ADGRL3: variants seen among roughly 807,000 people sequenced by gnomAD.
The protein encoded by ADGRL3 is adhesion G protein-coupled receptor L3.
A neutral mutation model predicts 153.5 loss-of-function variants in ADGRL3; 62 were observed. The ratio of observed to expected loss-of-function variants is 0.40; its 90% CI spans 0.33 to 0.50. ADGRL3 has a LOEUF of 0.50. Among genes scored for constraint, ADGRL3 ranks in the 20% least tolerant of loss-of-function variants. The probability of loss-of-function intolerance (pLI) is 0.47; values close to 1 mark genes in which losing one functional copy is unlikely to be tolerated. For missense variants in ADGRL3, 1,641 were observed against 1,859.4 expected, an observed-to-expected ratio of 0.88 and a Z score of 2.16; for synonymous variants, 710 against 672.5, an observed-to-expected ratio of 1.06 and a Z score of -0.86.
chr4:62,003,246 T>C (rs1035382195), intron 21 of ADGRL3, among the ~76,000 whole-genome samples: 1 of 152,172 alleles, frequency 6.6e-6, no homozygotes, highest in African/African-American at 2.4e-5. Context: ...GGTCATGTTT[T>C]CTGATTTCTA....
chr4:61,742,167 T>C (rs1259270704), intron 8 of ADGRL3, among the ~76,000 whole-genome samples: 1 of 152,218 alleles, frequency 6.6e-6, no homozygotes, highest in African/African-American at 2.4e-5. Context: ...TTAGCACAGA[T>C]AAGTGAGAGT....
intron 25 of ADGRL3, among the ~76,000 whole-genome samples, chr4:62,058,998 A>G (rs1047838953): frequency 2.6e-5 from 4 of 152,192 alleles, no homozygotes; most frequent in Non-Finnish European, 5.9e-5. Context: ...CTTCTGTGCA[A>G]GATTTTAGTT....
chr4:61,780,671 A>G (rs2097203765), intron 8 of ADGRL3, among the ~76,000 whole-genome samples: 1 of 152,190 alleles, frequency 6.6e-6, no homozygotes, highest in Non-Finnish European at 1.5e-5. Flanking sequence ...TGATTTCCCT[A>G]AACATAGACA....
chr4:61,760,256 G>C (rs929575832), intron 8 of ADGRL3, among the ~76,000 whole-genome samples: 4 of 152,188 alleles, frequency 2.6e-5, no homozygotes, highest in African/African-American at 9.7e-5. Flanking sequence ...GCCCCCAGAG[G>C]TGGAGTCTAC....
chr4:61,320,697 A>T (rs1264791190), intron 1 of ADGRL3, among the ~76,000 whole-genome samples: 1 of 152,212 alleles, frequency 6.6e-6, no homozygotes, highest in East Asian at 1.9e-4. Flanking sequence ...TTACAGCAAC[A>T]TCTACAGTAG....
At chr4:61,356,710 C>G (rs1456882) in intron 1 of ADGRL3, among the ~76,000 whole-genome samples, 7,022 of 152,006 alleles carry the variant, frequency 0.046, 381 homozygotes, top group African/African-American at 0.12. Flanking sequence ...AAAAATTTTC[C>G]TTGCAGTTAC....
intron 8 of ADGRL3, among the ~76,000 whole-genome samples, chr4:61,757,919 A>T (rs1319809316): frequency 1.3e-5 from 2 of 152,170 alleles, no homozygotes; most frequent in Non-Finnish European, 2.9e-5. Context: ...GTTTCCATGT[A>T]GCTGAGAAGT....
intron 21 of ADGRL3, among the ~76,000 whole-genome samples, chr4:62,018,440 G>A (rs1457272598): frequency 1.3e-5 from 2 of 152,138 alleles, no homozygotes; most frequent in South Asian, 2.1e-4. Context: ...TACAGATTTA[G>A]AGGAGAAAAG....
chr4:62,062,444 A>G (rs1740719178), intron 25 of ADGRL3, among the ~76,000 whole-genome samples: 1 of 152,086 alleles, frequency 6.6e-6, no homozygotes, highest in Non-Finnish European at 1.5e-5. Context: ...TCTAATACAT[A>G]TATTTAAATG....
Position 62,070,245 on chromosome 4 carries a change from C to G in ADGRL3, c.3969C>G (p.Asn1323Lys), listed in dbSNP as rs267600202. 1 of 1,612,740 alleles carries G rather than the reference C, an allele frequency of 6.2e-7. No homozygotes were observed. Among genetic ancestry groups the G allele is most frequent in the South Asian group, 1.1e-5 (1 of 90,984 alleles). ...NCVQIIDRGY[N>K]HNETALEKKI... ...TGCAAATCATAGACCGTGGCTATAACCATAACGAGACCGCCCTAGAGAAAA... is the reference window on the plus strand; with the variant it reads ...TGCAAATCATAGACCGTGGCTATAAGCATAACGAGACCGCCCTAGAGAAAA... Residue 1323 changes from asparagine to lysine, a missense_variant, in exon 27 of 27, where the codon AAC becomes AAG. This residue lies in a region of ADGRL3 where 517 missense variants were observed against 555.0 expected (regional missense o/e 0.93). Transcript: ENST00000683033.
intron 2 of ADGRL3, among the ~76,000 whole-genome samples, chr4:61,388,598 G>C (rs1028044826): frequency 6.6e-6 from 1 of 152,042 alleles, no homozygotes; most frequent in Admixed American, 6.5e-5. Context: ...CACCTCTTAG[G>C]CTACTACCTT....
chr4:61,321,058 G>C (rs536113073), intron 1 of ADGRL3, among the ~76,000 whole-genome samples: 1 of 151,998 alleles, frequency 6.6e-6, no homozygotes, highest in African/African-American at 2.4e-5. Flanking sequence ...CATTTATAAG[G>C]GTGATTACAT....
chr4:61,776,100 CTG>C (rs2097146942), intron 8 of ADGRL3, among the ~76,000 whole-genome samples: 1 of 152,034 alleles, frequency 6.6e-6, no homozygotes, highest in African/African-American at 2.4e-5. Flanking sequence ...CGGGGTTTCA[CTG>C]TGTTAGCCAG....
chr4:61,779,633 CAAAAAA>C (rs1174232668), intron 8 of ADGRL3, among the ~76,000 whole-genome samples: 1,533 of 42,014 alleles, frequency 0.036, 11 homozygotes, highest in Non-Finnish European at 0.048. Context: ...GACTCTGTCT[CAAAAAA>C]AAAAAAAAAA....
Position 61,446,792 on chromosome 4 carries a change from T to G in ADGRL3, c.-173-50329T>G, listed in dbSNP as rs2097587570. Among the ~76,000 whole-genome samples the G allele has an allele frequency of 2.6e-5, 4 of 152,176 alleles. No homozygotes were observed. The South Asian group carries it at 8.3e-4, about 32-fold the overall frequency. On this transcript the variant is annotated intron_variant, in intron 2 of 26. Coordinates refer to ENST00000683033, the MANE Select transcript of ADGRL3 (RefSeq NM_001387552.1). ...AGAAATCAGCATCATTCCTAGTAGG[T>G]GTTTAAAAAATGCTTGTTTTTGAAC...
rs889244194 is a variant in ADGRL3, at chr4:61,912,585, A to G, written c.2074-134A>G. On this transcript the variant is annotated intron_variant, in intron 12 of 26. Coordinates refer to ENST00000683033, the MANE Select transcript of ADGRL3 (RefSeq NM_001387552.1). ...TACATTTTGCTGCTGCTTAGCTTTCATTTTCTTCTGAAAAGTAGTGAATGA... is the reference window on the plus strand; with the variant it reads ...TACATTTTGCTGCTGCTTAGCTTTCGTTTTCTTCTGAAAAGTAGTGAATGA... 4.1e-6 allele frequency: 3 copies of G among 735,114 alleles called. No individual in the cohort carries two copies. In the African/African-American group the frequency reaches 5.3e-5, roughly 13 times the overall value. The allele number at this position is 735,114 out of a possible 1,614,324, so 45.5% of individuals were successfully genotyped here.
At chr4:61,969,541 C>T (rs1039929463) in intron 17 of ADGRL3, among the ~76,000 whole-genome samples, 1 of 151,560 alleles carries the variant, frequency 6.6e-6, no homozygotes, top group Non-Finnish European at 1.5e-5. Context: ...GTCATGTTAG[C>T]TTTGGTATTA....
chr4:61,475,983 A>C (rs1381851832), intron 2 of ADGRL3, among the ~76,000 whole-genome samples: 1 of 152,176 alleles, frequency 6.6e-6, no homozygotes, highest in African/African-American at 2.4e-5. Flanking sequence ...GTAGATTAGC[A>C]GCACTACAGT....
At chr4:61,247,803 T>C (rs541884365) in intron 1 of ADGRL3, among the ~76,000 whole-genome samples, 10 of 151,856 alleles carry the variant, frequency 6.6e-5, no homozygotes, top group African/African-American at 2.4e-4. Context: ...AAGGTATCAA[T>C]AATAATAATA....
Sources: gnomAD v4.1 joint callset for allele counts (sites outside exome capture counted in the v4.1 genomes callset) on GRCh38, gnomAD v4.1.1 for gene constraint, gnomAD v4.1.1 regional missense constraint, MANE v1.5 for transcripts, NCBI Gene and HGNC (gene_info 2026-07-23, HGNC 2026-07-21) for gene names.